The following SMC5 variants were observed in gnomAD, a reference collection of about 807,000 sequenced individuals.
SMC5 encodes structural maintenance of chromosomes protein 5.
A neutral mutation model predicts 148.3 loss-of-function variants in SMC5; 88 were observed. The observed-to-expected ratio is 0.59, with a 90% CI of 0.50 to 0.71. The LOEUF (loss-of-function observed/expected upper bound fraction) is 0.71, where lower values mean the gene tolerates loss of function less well. Ranked by LOEUF, SMC5 falls within the 30% of genes least tolerant of loss-of-function variation. The pLI is 0.00. For synonymous variants in SMC5, 421 were observed against 432.8 expected (o/e 0.97, Z 0.34); for missense variants, 1,142 against 1,298.9 (o/e 0.88, Z 1.86).
At chr9:70,313,361 A>T (rs1222503275) in intron 11 of SMC5, among the ~76,000 whole-genome samples, 3 of 152,178 alleles carry the variant, frequency 2.0e-5, no homozygotes, top group African/African-American at 7.2e-5. Flanking sequence ...ACGTGTGTAT[A>T]TATAATAGCT....
intron 17 of SMC5, among the ~76,000 whole-genome samples, chr9:70,337,992 A>G (rs1180727236): frequency 1.3e-5 from 2 of 152,118 alleles, no homozygotes; most frequent in African/African-American, 2.4e-5. Context: ...TTAATAGTGC[A>G]TAATTTCTCA....
chr9:70,297,853 T>C, intron 8 of SMC5, 113 bp from the exon 9 acceptor site: 1 of 1,224,044 alleles, frequency 8.2e-7, no homozygotes, highest in Non-Finnish European at 1.1e-6. Flanking sequence ...CACCTTTTAG[T>C]GAGGAAAACA....
intron 11 of SMC5, among the ~76,000 whole-genome samples, chr9:70,309,852 G>T (rs957593991): frequency 1.3e-5 from 2 of 152,130 alleles, no homozygotes. Flanking sequence ...GTAGAATGAT[G>T]AATCTTTTTT....
intron 11 of SMC5, among the ~76,000 whole-genome samples, chr9:70,309,654 T>C (rs1376372123): frequency 6.6e-6 from 1 of 152,166 alleles, no homozygotes; most frequent in East Asian, 1.9e-4. Context: ...ATTGCAGCAA[T>C]TCAGTTACAT....
intron 11 of SMC5, among the ~76,000 whole-genome samples, chr9:70,306,754 A>G (rs1223023253): frequency 6.6e-6 from 1 of 152,174 alleles, no homozygotes; most frequent in African/African-American, 2.4e-5. Flanking sequence ...TTTGACCTGT[A>G]TTCTTTTTTC....
At chr9:70,320,862 G>T (rs914494133) in intron 15 of SMC5, among the ~76,000 whole-genome samples, 2 of 152,174 alleles carry the variant, frequency 1.3e-5, no homozygotes, top group Non-Finnish European at 2.9e-5. Context: ...GCATGGCAGT[G>T]AAGAATCTAA....
rs2036697561 is a variant in SMC5, at chr9:70,347,592, AG to A, written c.2665-20del. The A allele has an allele frequency of 1.6e-6, 2 of 1,266,282 alleles. No individual in the cohort carries two copies. The highest frequency in any genetic ancestry group is 1.5e-5 in the African/African-American group (1 of 65,700). 78.4% of individuals were successfully genotyped at this position (1,266,282 alleles called of 1,614,324 possible). On this transcript the variant is annotated intron_variant, in intron 20 of 24. Coordinates refer to ENST00000361138, the MANE Select transcript of SMC5 (RefSeq NM_015110.4). ...TCCTTTGGTAGATTTATCTTAAAGA[AG>A]TTTTTTTTTCCCCTGCCAGATTGTT...
At chr9:70,264,527 T>A in intron 2 of SMC5, 82 bp downstream of exon 2, 1 of 1,430,832 alleles carries the variant, frequency 7.0e-7, no homozygotes, top group South Asian at 1.3e-5. Context: ...CCTCAGTTCC[T>A]TGGGTATAGC....
At chr9:70,264,722 G>C (rs758565148) in intron 2 of SMC5, among the ~76,000 whole-genome samples, 1 of 152,102 alleles carries the variant, frequency 6.6e-6, no homozygotes, top group Non-Finnish European at 1.5e-5. Context: ...TTGTGGAACA[G>C]TGAAGTAAAC....
At chr9:70,311,211 C>G (rs1466794264) in intron 11 of SMC5, 1 of 152,120 alleles carries the variant, frequency 6.6e-6, no homozygotes, top group Non-Finnish European at 1.5e-5. Context: ...AGTGAAAAAC[C>G]TGTGACTCTT....
rs763402962 is a variant in SMC5 at position 70,305,340 on chromosome 9, A to G, written c.1558A>G (p.Met520Val). ...RAFVFESQEDMEVFLKEVRDN... is the reference protein window; with the variant it reads ...RAFVFESQEDVEVFLKEVRDN... ...CTTTGTATTTGAAAGTCAAGAAGAT[A>G]TGGAGGTTTTCCTCAAAGAGGCAAG... Residue 520 changes from methionine to valine, a missense_variant, in exon 11 of 25, where the codon ATG becomes GTG. Met to Val is a conservative substitution (Grantham distance 21). This residue lies in a region of SMC5 where 743 missense variants were observed against 835.7 expected (regional missense o/e 0.89). Transcript: ENST00000361138. The G allele has an allele frequency of 1.3e-6, 2 of 1,597,736 alleles. No homozygotes were observed. The highest frequency in any genetic ancestry group is 1.7e-6 in the Non-Finnish European group (2 of 1,168,616).
At chr9:70,273,905 C>G (rs1486520005) in intron 3 of SMC5, among the ~76,000 whole-genome samples, 4 of 152,166 alleles carry the variant, frequency 2.6e-5, no homozygotes, top group African/African-American at 9.6e-5. Flanking sequence ...TGTATTTGTG[C>G]ATTAGTGCAA....
chr9:70,347,312 G>A, intron 20 of SMC5, 151 bp downstream of exon 20: 1 of 593,122 alleles, frequency 1.7e-6, no homozygotes. Context: ...CAGGAACAAT[G>A]TACTTTAAAT....
chr9:70,259,573 AT>A (rs1444843382), intron 1 of SMC5, among the ~76,000 whole-genome samples: 1 of 152,220 alleles, frequency 6.6e-6, no homozygotes, highest in East Asian at 1.9e-4. Flanking sequence ...GTCGCGATCC[AT>A]AGCGGCCCTG....
intron 3 of SMC5, among the ~76,000 whole-genome samples, chr9:70,274,972 A>G (rs2034548758): frequency 6.6e-6 from 1 of 151,952 alleles, no homozygotes; most frequent in Non-Finnish European, 1.5e-5. Context: ...ATTACCTCAG[A>G]TATTTCTGTT....
intron 15 of SMC5, among the ~76,000 whole-genome samples, 189 bp from the exon 16 acceptor site, chr9:70,323,294 A>G (rs551930832): frequency 6.6e-6 from 1 of 152,342 alleles, no homozygotes; most frequent in South Asian, 2.1e-4. Flanking sequence ...CCTTAAGGGA[A>G]GTGACTGTTT....
At chr9:70,301,217 AT>A (rs2035349557) in intron 10 of SMC5, among the ~76,000 whole-genome samples, 1 of 152,170 alleles carries the variant, frequency 6.6e-6, no homozygotes, top group Admixed American at 6.5e-5. Flanking sequence ...TGCAGGTGTA[AT>A]TGTTAACATT....
intron 5 of SMC5, among the ~76,000 whole-genome samples, chr9:70,280,236 A>G (rs2034713422): frequency 6.6e-6 from 1 of 152,240 alleles, no homozygotes; most frequent in Non-Finnish European, 1.5e-5. Flanking sequence ...ATACAAGCAT[A>G]TATTCTACTA....
chr9:70,277,443 G>A lies in SMC5; in HGVS notation c.514G>A (p.Val172Met). Residue 172 changes from valine (V) to methionine (M), a missense_variant, in exon 4 of 25, where the codon GTG (valine) becomes ATG (methionine). Coordinates refer to ENST00000361138, the MANE Select transcript of SMC5 (RefSeq NM_015110.4). ...GAAAGTTGCAGCCTTAAATATTCAA[G>A]TGGGGAATCTTTGCCAGTTTCTCCC... ...EEKVAALNIQ[V>M]GNLCQFLPQD... 1.3e-6 allele frequency: 2 copies of A among 1,595,194 alleles called. No homozygotes were observed. The highest frequency in any genetic ancestry group is 1.4e-5 in the African/African-American group (1 of 73,740).
Sources: gnomAD v4.1 joint callset for allele counts (sites outside exome capture counted in the v4.1 genomes callset) on GRCh38, gnomAD v4.1.1 for gene constraint, gnomAD v4.1.1 regional missense constraint, MANE v1.5 for transcripts, NCBI Gene and HGNC (gene_info 2026-07-23, HGNC 2026-07-21) for gene names.